Variants in BCAT1 observed in about 807,000 individuals in gnomAD.
BCAT1 encodes the protein branched-chain-amino-acid aminotransferase, cytosolic.
BCAT1 carries 48 observed loss-of-function variants against 52.4 expected under a neutral mutation model. The observed-to-expected ratio is 0.92, with a 90% CI of 0.73 to 1.16. BCAT1 has a LOEUF of 1.16. BCAT1 is among the 50% of genes most tolerant of loss of function. The pLI, the probability that BCAT1 is intolerant of heterozygous loss-of-function variation, is 0.00. For synonymous variants in BCAT1, 167 were observed against 161.3 expected (o/e 1.04, Z -0.27); for missense variants, 451 against 457.1 (o/e 0.99, Z 0.12).
chr12:24,868,111 G>A (rs1194525353), intron 5 of BCAT1, among the ~76,000 whole-genome samples: 1 of 152,212 alleles, frequency 6.6e-6, no homozygotes, highest in South Asian at 2.1e-4. Context: ...CTCATGGCAG[G>A]AGAAATGGCA....
At chr12:24,821,130 G>T (rs1313532980) in intron 10 of BCAT1, among the ~76,000 whole-genome samples, 1 of 152,164 alleles carries the variant, frequency 6.6e-6, no homozygotes, top group Admixed American at 6.5e-5. Flanking sequence ...GTAGGGAAGG[G>T]GGTGGAGCCT....
At chr12:24,884,649 C>T (rs115777119) in intron 3 of BCAT1, among the ~76,000 whole-genome samples, 351 of 152,168 alleles carry the variant, frequency 2.3e-3, no homozygotes, top group African/African-American at 8.0e-3. Context: ...AAATTGTATG[C>T]ACTTAATGAC....
chr12:24,914,341 C>T (rs1215322991), intron 1 of BCAT1, among the ~76,000 whole-genome samples: 1 of 152,112 alleles, frequency 6.6e-6, no homozygotes, highest in Admixed American at 6.6e-5. Context: ...CCTCAGCCTC[C>T]CAAAGTGCTG....
chr12:24,871,344 T>C (rs1285425840), intron 5 of BCAT1, among the ~76,000 whole-genome samples: 1 of 152,182 alleles, frequency 6.6e-6, no homozygotes, highest in Non-Finnish European at 1.5e-5. Context: ...GGATACAATG[T>C]GGAAGATGCC....
intron 1 of BCAT1, among the ~76,000 whole-genome samples, chr12:24,924,716 AAAG>A (rs1321516741): frequency 6.6e-6 from 1 of 152,226 alleles, no homozygotes; most frequent in African/African-American, 2.4e-5. Context: ...ACATAACTAT[AAAG>A]AGTAATATGT....
chr12:24,920,547 C>T (rs982231732), intron 1 of BCAT1, among the ~76,000 whole-genome samples: 1 of 152,134 alleles, frequency 6.6e-6, no homozygotes, highest in African/African-American at 2.4e-5. Context: ...AACCATTTTT[C>T]CTCTGCTCTC....
intron 5 of BCAT1, among the ~76,000 whole-genome samples, chr12:24,861,106 A>G (rs1261494472): frequency 1.3e-5 from 2 of 152,242 alleles, no homozygotes; most frequent in African/African-American, 4.8e-5. Context: ...TTCAGAAACT[A>G]TGGTATACTT....
At chr12:24,903,179 G>C in intron 1 of BCAT1, 1 of 1,180,036 alleles carries the variant, frequency 8.5e-7, no homozygotes, top group African/African-American at 1.6e-5. Context: ...TTGGGGAGGA[G>C]CCTCCAACCG....
chr12:24,864,232 A>C (rs1224142863), intron 5 of BCAT1, among the ~76,000 whole-genome samples: 1 of 152,136 alleles, frequency 6.6e-6, no homozygotes, highest in African/African-American at 2.4e-5. Context: ...CAAAACCAAG[A>C]TCTCCTCACT....
Position 24,836,548 on chromosome 12 carries a change from A to T in BCAT1, c.866T>A (p.Val289Glu). 1.9e-6 allele frequency: 3 copies of T among 1,612,932 alleles called. No homozygotes were observed. Among genetic ancestry groups the T allele is most frequent in the Non-Finnish European group, 2.5e-6 (3 of 1,179,598 alleles). The part of the protein sequence containing the change: ...PPLDGIILPG[V>E]TRRCILDLAH... ...CAGGTCCAGAATGCACCGCCTTGTC[A>T]CTCCTGGAAGAATGATGCCATCTAG... The change falls in exon 8 of 11, where the codon GTG becomes GAG. Residue 289 changes from valine (V) to glutamate (E), a missense_variant. Coordinates refer to ENST00000261192, the MANE Select transcript of BCAT1 (RefSeq NM_005504.7).
Position 24,906,461 on chromosome 12 carries a change from A to T in BCAT1, c.7-4576T>A, listed in dbSNP as rs1342393271. On this transcript the variant is annotated intron_variant, in intron 1 of 10. Coordinates refer to ENST00000261192, the MANE Select transcript of BCAT1 (RefSeq NM_005504.7). ...AGAGGTATTATTGAATCATTGGCAT[A>T]GAGGTGGTAACTGAAGCTATGGGTG... Among the ~76,000 whole-genome samples, 3 of 150,594 alleles carry T rather than the reference A, an allele frequency of 2.0e-5. No homozygotes were observed. The East Asian group carries it at 5.9e-4, about 29-fold the overall frequency.
At position 24,842,228 on chromosome 12, in the gene BCAT1, T is replaced by C. The variant is rs374234880; in HGVS notation, c.675-4A>G. 265 of 1,612,760 alleles carry C rather than the reference T, an allele frequency of 1.6e-4. No individual in the cohort carries two copies. In the African/African-American group the frequency reaches 2.6e-3, roughly 16 times the overall value. ...AAAAAGAGATGAGCCGTAATTCCTT[T>C]AAGAAAGAGAAAATACACAGGTTAC... is the stretch of plus-strand genomic sequence containing the variant. On this transcript the variant is annotated splice_polypyrimidine_tract_variant and splice_region_variant and intron_variant, in intron 6 of 10. Coordinates refer to ENST00000261192, the MANE Select transcript of BCAT1 (RefSeq NM_005504.7).
intron 1 of BCAT1, among the ~76,000 whole-genome samples, chr12:24,911,232 T>G (rs771488271): frequency 6.6e-6 from 1 of 151,958 alleles, no homozygotes; most frequent in African/African-American, 2.4e-5. Context: ...TTGTTTAGAG[T>G]TTTTTTTGCA....
intron 1 of BCAT1, among the ~76,000 whole-genome samples, chr12:24,935,870 C>T (rs1246841529): frequency 6.6e-6 from 1 of 152,194 alleles, no homozygotes. Context: ...GTCCTCATTT[C>T]TTTCTCAGCC....
Position 24,811,060 on chromosome 12 carries a change from C to T in BCAT1, c.*6948G>A, listed in dbSNP as rs2139274724. On this transcript the variant is annotated 3_prime_UTR_variant, in exon 11 of 11. Coordinates refer to ENST00000261192, the MANE Select transcript of BCAT1 (RefSeq NM_005504.7). ...GGTAATCTACTCCCCCCATTCTGTG[C>T]AAATCTCAAACGACAAAGCTAAGTT... 6.6e-6 allele frequency: 1 copy of T among 152,260 alleles called. No homozygotes were observed. The highest frequency in any genetic ancestry group is 1.9e-4 in the East Asian group (1 of 5,192). The allele number at this position is 152,260 out of a possible 1,614,324, so 9.4% of individuals were successfully genotyped here.
intron 5 of BCAT1, among the ~76,000 whole-genome samples, chr12:24,857,470 G>A (rs1370586995): frequency 6.8e-6 from 1 of 146,204 alleles, no homozygotes; most frequent in Non-Finnish European, 1.5e-5. Context: ...TAAAAGTGAT[G>A]TCCAAGATTA....
rs1939719250 is a variant in BCAT1, at chr12:24,812,424, ATTAC to A, written c.*5580_*5583del. On this transcript the variant is annotated 3_prime_UTR_variant, in exon 11 of 11. Transcript: ENST00000261192. The stretch of plus-strand genomic sequence containing the variant: ...TGGTTGAAGAAATGACACAATAGAT[ATTAC>A]TTACTATGCTATTATAAAATAAAGC... 1 of 152,030 alleles carries A rather than the reference ATTAC, an allele frequency of 6.6e-6. No homozygotes were observed. The highest frequency in any genetic ancestry group is 6.6e-5 in the Admixed American group (1 of 15,260). The allele number at this position is 152,030 out of a possible 1,614,324, so 9.4% of individuals were successfully genotyped here.
Position 24,819,859 on chromosome 12 carries a change from C to T in BCAT1, c.1120-1810G>A, listed in dbSNP as rs144016795. Reference sequence around the variant, plus strand: ...GCATTGCCTACAGACTGTAACTGCCCGCTATTGACTCTGTTGCTTCATGAT... The same window carrying T: ...GCATTGCCTACAGACTGTAACTGCCTGCTATTGACTCTGTTGCTTCATGAT... On this transcript the variant is annotated intron_variant, in intron 10 of 10. Transcript: ENST00000261192. 2.0e-3 allele frequency among the ~76,000 whole-genome samples: 297 copies of T among 152,272 alleles called. 2 individuals are homozygous for T. Among genetic ancestry groups the T allele is most frequent in the African/African-American group, 6.7e-3 (280 of 41,556 alleles).
At chr12:24,854,820 A>G (rs1023512415) in intron 5 of BCAT1, among the ~76,000 whole-genome samples, 1 of 152,166 alleles carries the variant, frequency 6.6e-6, no homozygotes, top group African/African-American at 2.4e-5. Context: ...CTCTTAATCC[A>G]GAGTTATTTC....
Sources: allele counts gnomAD v4.1 joint callset (sites outside exome capture counted in the v4.1 genomes callset), GRCh38; gene constraint gnomAD v4.1.1; transcripts MANE v1.5; gene names NCBI Gene and HGNC (gene_info 2026-07-23, HGNC 2026-07-21).